EHMT1: variants seen among roughly 807,000 people sequenced by gnomAD.
EHMT1 encodes histone-lysine N-methyltransferase EHMT1.
EHMT1 carries 15 observed loss-of-function variants against 147.2 expected under a neutral mutation model. The observed-to-expected ratio is 0.10, with a 90% CI of 0.07 to 0.16. The LOEUF (loss-of-function observed/expected upper bound fraction) is 0.16. EHMT1 is among the 10% of genes least tolerant of loss of function. The pLI, the probability that EHMT1 is intolerant of heterozygous loss-of-function variation, is 1.00. For synonymous variants in EHMT1, 795 were observed against 709.6 expected, an observed-to-expected ratio of 1.12 and a Z score of -1.91; for missense variants, 1,587 against 1,772.4, an observed-to-expected ratio of 0.90 and a Z score of 1.88.
intron 4 of EHMT1, chr9:137,742,966 G>A (rs1948233684): frequency 6.8e-6 from 2 of 295,766 alleles, no homozygotes; most frequent in East Asian, 1.9e-4. Flanking sequence ...TGCACATGCT[G>A]TTCACGTTGG....
At chr9:137,822,578 C>A (rs889815751) in intron 25 of EHMT1, among the ~76,000 whole-genome samples, 16 of 151,946 alleles carry the variant, frequency 1.1e-4, no homozygotes, top group African/African-American at 3.9e-4. Context: ...CCTTTTACTT[C>A]TTTTGTGAAG....
At chr9:137,749,923 G>A (rs1948838452) in intron 6 of EHMT1, among the ~76,000 whole-genome samples, 1 of 152,218 alleles carries the variant, frequency 6.6e-6, no homozygotes. Flanking sequence ...CATTTCGATG[G>A]TCAGTCGTGA....
At chr9:137,665,724 C>T (rs896755918) in intron 1 of EHMT1, among the ~76,000 whole-genome samples, 1 of 152,194 alleles carries the variant, frequency 6.6e-6, no homozygotes, top group Non-Finnish European at 1.5e-5. Context: ...AGGGACCCTT[C>T]ACGTTTTAGG....
At chr9:137,803,162 G>A (rs1383855990) in intron 18 of EHMT1, 1 of 1,223,814 alleles carries the variant, frequency 8.2e-7, no homozygotes, top group Non-Finnish European at 1.0e-6. Context: ...CCCCCAGAAT[G>A]GAAGCATTGA....
rs960231903 is a variant in EHMT1, at chr9:137,707,752, A to G, written c.22-3215A>G. 2.9e-4 allele frequency among the ~76,000 whole-genome samples: 44 copies of G among 152,320 alleles called. 1 individual carries two copies. The highest frequency in any genetic ancestry group is 7.4e-5 in the Non-Finnish European group (5 of 68,020). On this transcript the variant is annotated intron_variant, in intron 1 of 26. Coordinates refer to ENST00000460843, the MANE Select transcript of EHMT1 (RefSeq NM_024757.5). Reference sequence around the variant, plus strand: ...GCTGGTGGTGGTGATGAGGACTGTGAGATGGAGTGGGGTTTGGCGGGTGCC... The same window carrying G: ...GCTGGTGGTGGTGATGAGGACTGTGGGATGGAGTGGGGTTTGGCGGGTGCC...
chr9:137,677,244 C>T (rs915539664), intron 1 of EHMT1, among the ~76,000 whole-genome samples: 3 of 152,072 alleles, frequency 2.0e-5, no homozygotes, highest in Non-Finnish European at 2.9e-5. Context: ...AACGATTCTC[C>T]TGTCTCAGTC....
rs1954611622 is a variant in EHMT1 at position 137,812,925 on chromosome 9, A to G, written c.2868-81A>G. On this transcript the variant is annotated intron_variant, in intron 19 of 26. Transcript: ENST00000460843. ...AGTGTTCCCTTTATTGTTAGTGATG[A>G]CGGACATTTTATAAATCTCATCTGT... 4 of 1,566,196 alleles carry G rather than the reference A, an allele frequency of 2.6e-6. No homozygotes were observed. The Admixed American group carries it at 6.7e-5, about 26-fold the overall frequency.
At chr9:137,768,545 T>C (rs1653990974) in intron 10 of EHMT1, among the ~76,000 whole-genome samples, 1 of 83,796 alleles carries the variant, frequency 1.2e-5, no homozygotes, top group Non-Finnish European at 2.3e-5. Flanking sequence ...TTTTTTTTTT[T>C]TTTTTTTTTT....
At chr9:137,645,159 C>T (rs1016569714) in intron 1 of EHMT1, among the ~76,000 whole-genome samples, 4 of 152,226 alleles carry the variant, frequency 2.6e-5, no homozygotes, top group African/African-American at 9.7e-5. Context: ...AGGCGTGAGC[C>T]GCCACGGCCT....
chr9:137,803,452 C>A, intron 18 of EHMT1: 1 of 316,774 alleles, frequency 3.2e-6, no homozygotes, highest in Non-Finnish European at 4.6e-6. Context: ...AAAGGGCTCT[C>A]ACCATGGGCA....
At chr9:137,755,253 T>C (rs1949293480) in intron 8 of EHMT1, among the ~76,000 whole-genome samples, 1 of 152,196 alleles carries the variant, frequency 6.6e-6, no homozygotes, top group Non-Finnish European at 1.5e-5. Context: ...CCTGCCTCCC[T>C]TCCCTGCTCC....
chr9:137,804,665 A>G (rs149262372), intron 18 of EHMT1, among the ~76,000 whole-genome samples: 63 of 152,330 alleles, frequency 4.1e-4, no homozygotes, highest in African/African-American at 1.4e-3. Context: ...TGAGAACCCA[A>G]AGATATTCTC....
At chr9:137,718,336 T>G (rs1463855735) in intron 3 of EHMT1, among the ~76,000 whole-genome samples, 1 of 152,264 alleles carries the variant, frequency 6.6e-6, no homozygotes, top group East Asian at 1.9e-4. Flanking sequence ...TCTCTCAGTT[T>G]GATGTGAATT....
intron 18 of EHMT1, chr9:137,802,826 T>A: frequency 8.1e-7 from 1 of 1,231,940 alleles, no homozygotes; most frequent in Non-Finnish European, 1.0e-6. Context: ...TCTACCTCAT[T>A]CCACCGGAGT....
chr9:137,711,679 G>A (rs372123043), intron 2 of EHMT1, among the ~76,000 whole-genome samples: 34 of 152,266 alleles, frequency 2.2e-4, no homozygotes, highest in East Asian at 9.6e-4. Context: ...TCTGTAAGGC[G>A]TGGCGCACAC....
At chr9:137,819,834 G>A (rs562221357) in intron 25 of EHMT1, among the ~76,000 whole-genome samples, 2 of 152,156 alleles carry the variant, frequency 1.3e-5, no homozygotes, top group African/African-American at 4.8e-5. Context: ...GTGGGAGAGA[G>A]CAGGGGCCAC....
chr9:137,817,673 G>A (rs532463862), intron 24 of EHMT1, 148 bp downstream of exon 24: 21 of 1,002,090 alleles, frequency 2.1e-5, no homozygotes, highest in East Asian at 7.8e-5. Context: ...CCCTGGCCCC[G>A]AGAACCAAGC....
chr9:137,814,390 C>CT (rs1411263810), intron 21 of EHMT1, 41 bp from the exon 22 acceptor site: 1 of 1,601,952 alleles, frequency 6.2e-7, no homozygotes, highest in South Asian at 1.1e-5. Context: ...AATGGAAGGC[C>CT]TGTGCCTGCA....
At chr9:137,733,005 C>T (rs755761242) in intron 4 of EHMT1, among the ~76,000 whole-genome samples, 3 of 152,178 alleles carry the variant, frequency 2.0e-5, no homozygotes, top group Non-Finnish European at 4.4e-5. Context: ...TTTCAACGTG[C>T]ATTGTACTCC....
Sources: gnomAD v4.1 joint callset for allele counts (sites outside exome capture counted in the v4.1 genomes callset) on GRCh38, gnomAD v4.1.1 for gene constraint, MANE v1.5 for transcripts, NCBI Gene and HGNC (gene_info 2026-07-23, HGNC 2026-07-21) for gene names.